Variants in GRID2 observed in about 807,000 individuals in gnomAD.
GRID2 encodes glutamate ionotropic receptor delta type subunit 2.
In GRID2, 33 loss-of-function variants were observed where a neutral mutation model predicts 114.8. That is an observed-to-expected ratio of 0.29 (90% CI 0.22 to 0.38). The LOEUF (loss-of-function observed/expected upper bound fraction) is 0.38, where lower values mean the gene tolerates loss of function less well. GRID2 is among the 10% of genes least tolerant of loss of function. The pLI, the probability that GRID2 is intolerant of heterozygous loss-of-function variation, is 1.00. For missense variants in GRID2, 1,184 were observed against 1,257.7 expected, an observed-to-expected ratio of 0.94 and a Z score of 0.89; for synonymous variants, 505 against 449.9, an observed-to-expected ratio of 1.12 and a Z score of -1.55.
chr4:92,901,828 T>C (rs961999913), intron 2 of GRID2, among the ~76,000 whole-genome samples: 2 of 151,924 alleles, frequency 1.3e-5, no homozygotes, highest in African/African-American at 4.8e-5. Flanking sequence ...TCTTTTTGTG[T>C]GTGTGTGTGT....
chr4:92,566,108 G>A (rs1256645721), intron 1 of GRID2, among the ~76,000 whole-genome samples: 4 of 151,900 alleles, frequency 2.6e-5, no homozygotes, highest in South Asian at 2.1e-4. Context: ...AAACTATGTC[G>A]ATATGCCTAG....
At position 93,200,048 on chromosome 4, in the gene GRID2, A is replaced by G. The variant is rs369917693; in HGVS notation, c.736-7356A>G. On this transcript the variant is annotated intron_variant, in intron 4 of 15. Coordinates refer to ENST00000282020, the MANE Select transcript of GRID2 (RefSeq NM_001510.4). Reference sequence around the variant, plus strand: ...GTTTGTTTAGTTTTAGCAGAACTCTATAGTAGTGCACTTTGGCCATATGCA... The same window carrying G: ...GTTTGTTTAGTTTTAGCAGAACTCTGTAGTAGTGCACTTTGGCCATATGCA... Among the ~76,000 whole-genome samples, 12 of 152,290 alleles carry G rather than the reference A, an allele frequency of 7.9e-5. No homozygotes were observed. In the East Asian group the frequency reaches 1.5e-3, roughly 20 times the overall value.
chr4:93,148,092 G>A (rs1377348926), intron 4 of GRID2, among the ~76,000 whole-genome samples: 1 of 152,166 alleles, frequency 6.6e-6, no homozygotes, highest in African/African-American at 2.4e-5. Context: ...TGAATAATAT[G>A]GAAGGATAGA....
rs538312507 is a variant in GRID2, at chr4:93,022,194, A to G, written c.245-62801A>G. Among the ~76,000 whole-genome samples the G allele has an allele frequency of 6.3e-4, 95 of 151,972 alleles. 1 individual carries two copies. In the South Asian group the frequency reaches 0.011, roughly 17 times the overall value. ...TATCTTTGATTATGTCCTTTTTCAT[A>G]CATACGCATATACACACACACACAA... is the stretch of plus-strand genomic sequence containing the variant. On this transcript the variant is annotated intron_variant, in intron 2 of 15. Transcript: ENST00000282020.
At chr4:92,914,369 A>G (rs1748624989) in intron 2 of GRID2, among the ~76,000 whole-genome samples, 1 of 152,132 alleles carries the variant, frequency 6.6e-6, no homozygotes, top group East Asian at 1.9e-4. Flanking sequence ...TAAAAGAAAC[A>G]TATATCTATG....
chr4:92,807,729 G>T (rs975226854), intron 2 of GRID2, among the ~76,000 whole-genome samples: 2 of 151,962 alleles, frequency 1.3e-5, no homozygotes, highest in African/African-American at 4.8e-5. Context: ...ATCAGCAGGG[G>T]TAGGATATCA....
chr4:92,674,657 G>A (rs993940917), intron 2 of GRID2, among the ~76,000 whole-genome samples: 3 of 152,088 alleles, frequency 2.0e-5, no homozygotes, highest in African/African-American at 7.2e-5. Flanking sequence ...AAGTAGCTGG[G>A]ATTACAGGCA....
intron 4 of GRID2, among the ~76,000 whole-genome samples, chr4:93,134,876 C>T (rs768822793): frequency 6.6e-6 from 1 of 152,022 alleles, no homozygotes; most frequent in Admixed American, 6.6e-5. Context: ...ATGTATGCCT[C>T]GTTGCCCCTC....
intron 1 of GRID2, among the ~76,000 whole-genome samples, chr4:92,448,519 A>G (rs1303539380): frequency 1.3e-5 from 2 of 152,118 alleles, no homozygotes; most frequent in Non-Finnish European, 2.9e-5. Context: ...CTACCAAATT[A>G]TATACAAATT....
chr4:92,685,715 A>G (rs1733864530), intron 2 of GRID2, among the ~76,000 whole-genome samples: 1 of 152,036 alleles, frequency 6.6e-6, no homozygotes, highest in Admixed American at 6.5e-5. Context: ...TGCCAACCCT[A>G]AAGAATGATG....
chr4:92,502,918 A>C (rs1237139450), intron 1 of GRID2, among the ~76,000 whole-genome samples: 2 of 151,736 alleles, frequency 1.3e-5, no homozygotes, highest in African/African-American at 4.8e-5. Context: ...GGGTTTCACC[A>C]TGTTAGCCAG....
chr4:92,371,954 A>C (rs2110219771), intron 1 of GRID2, among the ~76,000 whole-genome samples: 1 of 152,210 alleles, frequency 6.6e-6, no homozygotes, highest in South Asian at 2.1e-4. Context: ...GTTGATTCTA[A>C]CCCTTATGGA....
chr4:92,603,340 A>C (rs1213251231), intron 2 of GRID2, among the ~76,000 whole-genome samples: 1 of 152,090 alleles, frequency 6.6e-6, no homozygotes, highest in Non-Finnish European at 1.5e-5. Flanking sequence ...GTACTGACAG[A>C]AAACACACAC....
At chr4:92,979,597 G>C (rs770184752) in intron 2 of GRID2, among the ~76,000 whole-genome samples, 2 of 151,988 alleles carry the variant, frequency 1.3e-5, no homozygotes, top group Non-Finnish European at 2.9e-5. Flanking sequence ...TTTTGCCTTC[G>C]AACAATGACA....
intron 7 of GRID2, among the ~76,000 whole-genome samples, chr4:93,231,136 C>G (rs1746086373): frequency 6.6e-6 from 1 of 151,986 alleles, no homozygotes; most frequent in African/African-American, 2.4e-5. Flanking sequence ...TTGCCCAGTG[C>G]AGATCTACCT....
At chr4:93,791,795 G>A (rs1168765626) in intron 1 of GRID2, among the ~76,000 whole-genome samples, 2 of 151,836 alleles carry the variant, frequency 1.3e-5, no homozygotes, top group Non-Finnish European at 2.9e-5. Flanking sequence ...TGGTGGCGCT[G>A]TGGTATCATT....
chr4:93,779,982 C>T (rs934202852), intron 1 of GRID2, among the ~76,000 whole-genome samples: 1 of 152,206 alleles, frequency 6.6e-6, no homozygotes, highest in African/African-American at 2.4e-5. Context: ...GTGTGCAAGA[C>T]ACTATTCTGT....
intron 8 of GRID2, among the ~76,000 whole-genome samples, chr4:93,331,336 C>T (rs1758419385): frequency 6.6e-6 from 1 of 151,860 alleles, no homozygotes; most frequent in Non-Finnish European, 1.5e-5. Context: ...ATAGCCATGG[C>T]TCATTTCCTG....
chr4:93,733,663 T>C (rs1049980619), intron 14 of GRID2, among the ~76,000 whole-genome samples: 6 of 152,084 alleles, frequency 3.9e-5, no homozygotes, highest in Non-Finnish European at 8.8e-5. Context: ...TTGAGTTTTG[T>C]TTTGTTTTGT....
Sources: allele counts gnomAD v4.1 joint callset (sites outside exome capture counted in the v4.1 genomes callset), GRCh38; gene constraint gnomAD v4.1.1; transcripts MANE v1.5; gene names NCBI Gene and HGNC (gene_info 2026-07-23, HGNC 2026-07-21).